The following C1orf141 variants were observed in gnomAD, a reference collection of about 807,000 sequenced individuals.
The protein encoded by C1orf141 is uncharacterized protein C1orf141.
A neutral mutation model predicts 23.2 loss-of-function variants in C1orf141; 19 were observed. The ratio of observed to expected loss-of-function variants is 0.82; its 90% CI spans 0.57 to 1.20. C1orf141 has a LOEUF of 1.20. Ranked by LOEUF, C1orf141 falls within the 50% of genes most tolerant of loss-of-function variation. The pLI is 0.00. For synonymous variants in C1orf141, 153 were observed against 154.6 expected (o/e 0.99, Z 0.08); for missense variants, 469 against 455.1 (o/e 1.03, Z -0.28).
chr1:67,138,545 T>C (rs758818948), upstream of C1orf141, among the ~76,000 whole-genome samples: 18 of 152,184 alleles, frequency 1.2e-4, no homozygotes, highest in South Asian at 4.1e-4. Context: ...GTGTTTTTTT[T>C]CTCCCTTTGT....
In C1orf141 at chr1:67,098,938, G is replaced by A. The variant is rs140125216; in HGVS notation, c.347-2617C>T. The stretch of plus-strand genomic sequence containing the variant: ...ATTGAGAGAAAATGTTGAGGGATTT[G>A]CCAAGAATGCATAGAAAGATAAATA... On this transcript the variant is annotated intron_variant, in intron 5 of 7. Transcript: ENST00000684719. Among the ~76,000 whole-genome samples the A allele has an allele frequency of 2.8e-4, 42 of 152,148 alleles. 1 individual carries two copies. The highest frequency in any genetic ancestry group is 6.3e-4 in the African/African-American group (26 of 41,514).
intron 5 of C1orf141, among the ~76,000 whole-genome samples, chr1:67,104,662 T>C (rs1415657832): frequency 6.6e-6 from 1 of 152,176 alleles, no homozygotes; most frequent in African/African-American, 2.4e-5. Context: ...TCATGCAATA[T>C]AATATCAATT....
In C1orf141 at chr1:67,125,977, G is replaced by A. The variant is rs4655520; in HGVS notation, c.76-68C>T. On this transcript the variant is annotated intron_variant, in intron 3 of 7. Coordinates refer to ENST00000684719, the MANE Select transcript of C1orf141 (RefSeq NM_001276351.2). ...ACTTTTTATATGGGGAAAATCTTAG[G>A]TGGAAAGAAAAAAAATCTCACTTTA... The A allele has an allele frequency of 0.82, 1,142,136 of 1,388,530 alleles. 474,018 individuals carry two copies. The highest frequency in any genetic ancestry group is 0.92 in the East Asian group (35,245 of 38,376). 86.0% of individuals were successfully genotyped at this position (1,388,530 alleles called of 1,614,324 possible). A position where few individuals can be genotyped will look rare whatever the true frequency, so the allele number is the denominator to read the frequency against.
At chr1:67,108,930 A>G (rs1645998790) in intron 5 of C1orf141, among the ~76,000 whole-genome samples, 1 of 152,182 alleles carries the variant, frequency 6.6e-6, no homozygotes, top group East Asian at 1.9e-4. Flanking sequence ...TTTTTTAAAA[A>G]ATAGACCTTG....
At chr1:67,104,304 A>G (rs1417027159) in intron 5 of C1orf141, among the ~76,000 whole-genome samples, 1 of 152,174 alleles carries the variant, frequency 6.6e-6, no homozygotes, top group East Asian at 1.9e-4. Context: ...AGGCGAGGTC[A>G]ACAGCATAAG....
intron 2 of C1orf141, among the ~76,000 whole-genome samples, chr1:67,127,930 T>C (rs906814664): frequency 6.6e-6 from 1 of 152,130 alleles, no homozygotes; most frequent in Non-Finnish European, 1.5e-5. Flanking sequence ...CCACCGTGCC[T>C]GGCCAGGAGT....
intron 5 of C1orf141, among the ~76,000 whole-genome samples, chr1:67,112,705 A>C (rs540732200): frequency 1.0e-3 from 159 of 152,298 alleles, no homozygotes; most frequent in Middle Eastern, 6.8e-3. Context: ...TGTCAGAAAA[A>C]GAAAACCACC....
rs1645593438 is a variant in C1orf141 at position 67,093,297 on chromosome 1, T to C, written c.911A>G (p.Gln304Arg). The change falls in exon 8 of 8, where the codon CAG becomes CGG. Residue 304 changes from glutamine (Q) to arginine (R), a missense_variant. Gln to Arg is a conservative substitution (Grantham distance 43). Transcript: ENST00000684719. ...DDKLKKKTNK[Q>R]TLENRSWNTL... ...ATTCCAAGATCTGTTTTCTAGTGTC[T>C]GCTTATTAGTTTTCTTCTTTAGTTT... 1 of 1,613,746 alleles carries C rather than the reference T, an allele frequency of 6.2e-7. No individual in the cohort carries two copies. The highest frequency in any genetic ancestry group is 1.3e-5 in the African/African-American group (1 of 75,056).
At chr1:67,127,878 G>A (rs1442519143) in intron 2 of C1orf141, among the ~76,000 whole-genome samples, 7 of 152,122 alleles carry the variant, frequency 4.6e-5, no homozygotes, top group African/African-American at 1.2e-4. Context: ...CAAGTGATCC[G>A]CCTGTCTCAG....
intron 5 of C1orf141, among the ~76,000 whole-genome samples, chr1:67,099,517 C>T (rs564740628): frequency 2.0e-5 from 3 of 152,256 alleles, no homozygotes; most frequent in South Asian, 2.1e-4. Context: ...TGGTGGCTCA[C>T]GCCTGTAATC....
chr1:67,093,043 A>C lies in C1orf141; in HGVS notation c.1165T>G (p.Leu389Val), dbSNP rs767343381. ...AAAATTTCATTTGATAAGTTTAACA[A>C]ATTATCCAGTGGCGTTACATTATTT... ...ELNNVTPLDN[L>V]LNLSNEILNA... Residue 389 changes from leucine to valine, a missense_variant, in exon 8 of 8, where the codon TTG (leucine) becomes GTG (valine). Around this residue, in one of 3 missense-constraint regions of C1orf141, gnomAD observed 370 missense variants for 348.1 expected, o/e 1.06. Coordinates refer to ENST00000684719, the MANE Select transcript of C1orf141 (RefSeq NM_001276351.2). The C allele has an allele frequency of 9.4e-6, 15 of 1,595,114 alleles. No individual in the cohort carries two copies. The highest frequency in any genetic ancestry group is 1.2e-5 in the Non-Finnish European group (14 of 1,166,154).
intron 5 of C1orf141, among the ~76,000 whole-genome samples, chr1:67,107,858 G>A (rs566571312): frequency 8.5e-5 from 13 of 152,240 alleles, no homozygotes; most frequent in African/African-American, 3.1e-4. Context: ...AAAACAAAGA[G>A]TGTCCTTCTC....
chr1:67,103,430 C>T (rs994595617), intron 5 of C1orf141: 78 of 1,115,134 alleles, frequency 7.0e-5, no homozygotes, highest in Admixed American at 3.0e-4. Flanking sequence ...TATTTCTTTC[C>T]GTGTATATTA....
chr1:67,123,052 C>T (rs951738187), intron 4 of C1orf141: 1 of 151,734 alleles, frequency 6.6e-6, no homozygotes, highest in Non-Finnish European at 1.5e-5. Flanking sequence ...AAATACAAAA[C>T]ATTAGCCGGG....
chr1:67,114,565 T>C (rs1646150761), intron 5 of C1orf141, among the ~76,000 whole-genome samples: 1 of 152,224 alleles, frequency 6.6e-6, no homozygotes, highest in Non-Finnish European at 1.5e-5. Flanking sequence ...ATGAGAATTA[T>C]GCAATTGAAT....
At chr1:67,111,625 T>C in intron 5 of C1orf141, 1 of 1,398,032 alleles carries the variant, frequency 7.2e-7, no homozygotes, top group South Asian at 1.5e-5. Flanking sequence ...ATCTTGATTT[T>C]AGATGTTCTT....
chr1:67,119,021 A>C (rs1646251383), intron 4 of C1orf141, among the ~76,000 whole-genome samples: 1 of 152,184 alleles, frequency 6.6e-6, no homozygotes, highest in African/African-American at 2.4e-5. Flanking sequence ...AAGTACTTGA[A>C]TATGTGGCAG....
intron 5 of C1orf141, among the ~76,000 whole-genome samples, chr1:67,112,077 G>A (rs2102458250): frequency 6.6e-6 from 1 of 152,226 alleles, no homozygotes; most frequent in African/African-American, 2.4e-5. Flanking sequence ...TGGTGCAGGG[G>A]TCAGGCATAC....
upstream of C1orf141, among the ~76,000 whole-genome samples, chr1:67,137,427 C>T (rs1037983221): frequency 3.9e-5 from 6 of 152,240 alleles, no homozygotes; most frequent in East Asian, 1.9e-4. Flanking sequence ...ATCTGCCACC[C>T]GGGGAAGCTC....
Sources: gnomAD v4.1 joint callset for allele counts (sites outside exome capture counted in the v4.1 genomes callset) on GRCh38, gnomAD v4.1.1 for gene constraint, gnomAD v4.1.1 regional missense constraint, MANE v1.5 for transcripts, NCBI Gene and HGNC (gene_info 2026-07-23, HGNC 2026-07-21) for gene names.